Variants in HDGFL3 observed in about 807,000 individuals in gnomAD.
HDGFL3 encodes the protein HDGF like 3, also known as hepatoma-derived growth factor-related protein 3.
Under a neutral mutation model 27.6 loss-of-function variants are expected in HDGFL3, and 6 were observed. The observed-to-expected ratio is 0.22, with a 90% CI of 0.12 to 0.43. HDGFL3 has a LOEUF of 0.43. HDGFL3 is among the 20% of genes least tolerant of loss of function. The pLI, the probability that HDGFL3 is intolerant of heterozygous loss-of-function variation, is 1.00. For synonymous variants in HDGFL3, 88 were observed against 88.9 expected (o/e 0.99, Z 0.05); for missense variants, 207 against 250.1 (o/e 0.83, Z 1.16).
intron 5 of HDGFL3, among the ~76,000 whole-genome samples, chr15:83,143,874 C>T (rs563168145): frequency 6.6e-6 from 1 of 152,244 alleles, no homozygotes; most frequent in South Asian, 2.1e-4. Context: ...CTGTCCCTCC[C>T]TCCAGTTGTG....
chr15:83,142,539 G>C (rs1276910478), intron 5 of HDGFL3, among the ~76,000 whole-genome samples: 4 of 152,120 alleles, frequency 2.6e-5, no homozygotes, highest in Non-Finnish European at 4.4e-5. Context: ...TAAAGGAGAG[G>C]AGGAAGAGGA....
intron 1 of HDGFL3, among the ~76,000 whole-genome samples, chr15:83,166,082 C>G (rs947936867): frequency 2.0e-5 from 3 of 151,888 alleles, no homozygotes; most frequent in Non-Finnish European, 2.9e-5. Flanking sequence ...AATAGACATC[C>G]AGATGCAAGA....
chr15:83,127,323 A>G, downstream of HDGFL3: 3 of 1,539,908 alleles, frequency 1.9e-6, no homozygotes, highest in South Asian at 2.6e-5. Context: ...TTAACTGCCA[A>G]TTTGCTGATG....
intron 1 of HDGFL3, among the ~76,000 whole-genome samples, chr15:83,206,495 T>C (rs558744645): frequency 6.6e-6 from 1 of 152,288 alleles, no homozygotes; most frequent in East Asian, 1.9e-4. Context: ...TTAATAAAAA[T>C]TGTGAATGCT....
At chr15:83,146,944 T>C (rs751276964) in intron 5 of HDGFL3, among the ~76,000 whole-genome samples, 6 of 152,228 alleles carry the variant, frequency 3.9e-5, no homozygotes, top group Non-Finnish European at 7.3e-5. Flanking sequence ...TAAGAATTTC[T>C]ACAAGCTCTC....
At chr15:83,154,882 C>G (rs559221923) in intron 4 of HDGFL3, among the ~76,000 whole-genome samples, 57 of 152,018 alleles carry the variant, frequency 3.7e-4, no homozygotes, top group Middle Eastern at 3.4e-3. Flanking sequence ...TTTTTCCCCC[C>G]TTTTGAGACA....
chr15:83,128,997 A>G lies in HDGFL3; in HGVS notation c.*10273T>C, dbSNP rs1043365018. On this transcript the variant is annotated 3_prime_UTR_variant, in exon 6 of 6. Coordinates refer to ENST00000299633, the MANE Select transcript of HDGFL3 (RefSeq NM_016073.4). ...AGACATACACCACCGCACACAGCTA[A>G]TTTTTAAATTTTTTAAAGAGATGGG... is the stretch of plus-strand genomic sequence containing the variant. 2.0e-5 allele frequency: 3 copies of G among 152,052 alleles called. No homozygotes were observed. Among genetic ancestry groups the G allele is most frequent in the African/African-American group, 7.2e-5 (3 of 41,420 alleles). The allele number at this position is 152,052 out of a possible 1,614,324, so 9.4% of individuals were successfully genotyped here.
At chr15:83,195,092 C>T (rs1395974511) in intron 1 of HDGFL3, among the ~76,000 whole-genome samples, 1 of 152,050 alleles carries the variant, frequency 6.6e-6, no homozygotes, top group African/African-American at 2.4e-5. Context: ...AAGCTGAAAC[C>T]CAGTCTTTTT....
intron 1 of HDGFL3, among the ~76,000 whole-genome samples, chr15:83,203,008 T>C (rs950920234): frequency 1.3e-5 from 2 of 152,106 alleles, no homozygotes; most frequent in African/African-American, 4.8e-5. Flanking sequence ...CTCATTTCTC[T>C]TGGGTATATG....
intron 1 of HDGFL3, among the ~76,000 whole-genome samples, chr15:83,202,863 C>T (rs1446121468): frequency 6.6e-6 from 1 of 152,086 alleles, no homozygotes; most frequent in East Asian, 1.9e-4. Flanking sequence ...TCAAATAGTA[C>T]TCCACTATGT....
intron 1 of HDGFL3, among the ~76,000 whole-genome samples, chr15:83,176,679 T>C (rs1308221168): frequency 6.6e-6 from 1 of 152,194 alleles, no homozygotes; most frequent in African/African-American, 2.4e-5. Context: ...TCAGTGTTTT[T>C]AGGAGCCTCC....
At chr15:83,181,073 C>T (rs933913319) in intron 1 of HDGFL3, 2 of 152,264 alleles carry the variant, frequency 1.3e-5, no homozygotes, top group Non-Finnish European at 2.9e-5. Context: ...CGACCATCTA[C>T]TAGTGATAGA....
At chr15:83,187,614 C>T (rs1034523761) in intron 1 of HDGFL3, among the ~76,000 whole-genome samples, 7 of 152,174 alleles carry the variant, frequency 4.6e-5, no homozygotes, top group African/African-American at 9.7e-5. Flanking sequence ...AGTGGCCGGG[C>T]GTGGTGGCTC....
intron 1 of HDGFL3, among the ~76,000 whole-genome samples, chr15:83,189,069 G>A (rs188452051): frequency 6.6e-6 from 1 of 151,896 alleles, no homozygotes; most frequent in Admixed American, 6.6e-5. Context: ...CCCAAAACAT[G>A]TCACCAAACT....
At chr15:83,145,863 T>A (rs1454021054) in intron 5 of HDGFL3, among the ~76,000 whole-genome samples, 3 of 147,848 alleles carry the variant, frequency 2.0e-5, no homozygotes, top group African/African-American at 7.5e-5. Context: ...TGTTCTTTCT[T>A]TTTTTTTTTT....
chr15:83,187,395 C>A (rs2037457922), intron 1 of HDGFL3, among the ~76,000 whole-genome samples: 1 of 149,588 alleles, frequency 6.7e-6, no homozygotes, highest in African/African-American at 2.6e-5. Flanking sequence ...CAAACACACA[C>A]CACCACAAAT....
intron 2 of HDGFL3, among the ~76,000 whole-genome samples, chr15:83,162,023 G>A (rs1159114681): frequency 6.6e-6 from 1 of 152,138 alleles, no homozygotes; most frequent in Non-Finnish European, 1.5e-5. Context: ...GAAAATTCTG[G>A]TCGTGCCTAG....
intron 1 of HDGFL3, among the ~76,000 whole-genome samples, chr15:83,168,930 T>C (rs1418952830): frequency 1.3e-5 from 2 of 152,122 alleles, no homozygotes; most frequent in African/African-American, 2.4e-5. Flanking sequence ...TTCACCATGA[T>C]CAAGCAGGTT....
chr15:83,168,245 G>C (rs2037197787), intron 1 of HDGFL3, among the ~76,000 whole-genome samples: 2 of 151,986 alleles, frequency 1.3e-5, no homozygotes, highest in Admixed American at 6.6e-5. Flanking sequence ...CTTCCCCGGA[G>C]GAACTAGAAA....
Sources: allele counts gnomAD v4.1 joint callset (sites outside exome capture counted in the v4.1 genomes callset), GRCh38; gene constraint gnomAD v4.1.1; transcripts MANE v1.5; gene names NCBI Gene and HGNC (gene_info 2026-07-23, HGNC 2026-07-21).